The following NAA30 variants were observed in gnomAD, a reference collection of about 807,000 sequenced individuals.
NAA30 encodes the protein N-alpha-acetyltransferase 30.
In NAA30, 5 loss-of-function variants were observed where a neutral mutation model predicts 31.4. The observed-to-expected ratio is 0.16, with a 90% confidence interval of 0.08 to 0.33. The LOEUF (loss-of-function observed/expected upper bound fraction) is 0.33, where lower values mean the gene tolerates loss of function less well. Among genes scored for constraint, NAA30 ranks in the 10% least tolerant of loss-of-function variants. The probability of loss-of-function intolerance (pLI) is 1.00; values close to 1 mark genes in which losing one functional copy is unlikely to be tolerated. For missense variants in NAA30, 428 were observed against 490.8 expected, an observed-to-expected ratio of 0.87 and a Z score of 1.21; for synonymous variants, 222 against 207.1, an observed-to-expected ratio of 1.07 and a Z score of -0.62.
In NAA30 at chr14:57,415,357, T is replaced by C. The variant is rs2066542601; in HGVS notation, c.*5841T>C. 6.6e-6 allele frequency: 1 copy of C among 152,230 alleles called. No homozygotes were observed. Among genetic ancestry groups the C allele is most frequent in the Non-Finnish European group, 1.5e-5 (1 of 68,036 alleles). The allele number at this position is 152,230 out of a possible 1,614,324, so 9.4% of individuals were successfully genotyped here. A position where few individuals can be genotyped will look rare whatever the true frequency, so the allele number is the denominator to read the frequency against. On this transcript the variant is annotated 3_prime_UTR_variant, in exon 5 of 5. Coordinates refer to ENST00000556492, the MANE Select transcript of NAA30 (RefSeq NM_001011713.3). ...ACAACTGCAAAGATTGTATGTCTCCTATGTTTTCCTTTCATGCCAAAGAAA... is the reference window on the plus strand; with the variant it reads ...ACAACTGCAAAGATTGTATGTCTCCCATGTTTTCCTTTCATGCCAAAGAAA...
At position 57,409,939 on chromosome 14, in the gene NAA30, T is replaced by TG. The variant is rs1952460033; in HGVS notation, c.*424dup. The TG allele has an allele frequency of 6.5e-6, 1 of 154,588 alleles. No individual in the cohort carries two copies. Among genetic ancestry groups the TG allele is most frequent in the African/African-American group, 2.4e-5 (1 of 41,528 alleles). 9.6% of individuals were successfully genotyped at this position (154,588 alleles called of 1,614,324 possible). A position where few individuals can be genotyped will look rare whatever the true frequency, so the allele number is the denominator to read the frequency against. Reference sequence around the variant, plus strand: ...ACCTGCCCTAGTTTTCTGAAGTGGGTGAGGGAGACGCTTCAGTTTTAGGTT... The same window carrying TG: ...ACCTGCCCTAGTTTTCTGAAGTGGGTGGAGGGAGACGCTTCAGTTTTAGGTT... On this transcript the variant is annotated 3_prime_UTR_variant, in exon 5 of 5. Coordinates refer to ENST00000556492, the MANE Select transcript of NAA30 (RefSeq NM_001011713.3).
intron 3 of NAA30, among the ~76,000 whole-genome samples, chr14:57,397,127 A>AT (rs995201998): frequency 2.7e-4 from 41 of 152,270 alleles, no homozygotes; most frequent in Admixed American, 1.4e-3. Flanking sequence ...TCACCTGCAG[A>AT]TTTTTTTAAT....
chr14:57,390,651 G>T lies in NAA30; in HGVS notation c.-56G>T. ...GGCTGCCGCGGCTGCGAAGGAGGCGGCGGCGGTGGCGGAGGAAGAGGAGTG... is the reference window on the plus strand; with the variant it reads ...GGCTGCCGCGGCTGCGAAGGAGGCGTCGGCGGTGGCGGAGGAAGAGGAGTG... On this transcript the variant is annotated 5_prime_UTR_variant, in exon 1 of 5. Coordinates refer to ENST00000556492, the MANE Select transcript of NAA30 (RefSeq NM_001011713.3). 2 of 369,332 alleles carry T rather than the reference G, an allele frequency of 5.4e-6. No individual in the cohort carries two copies. The highest frequency in any genetic ancestry group is 9.6e-6 in the Non-Finnish European group (2 of 207,922). 22.9% of individuals were successfully genotyped at this position (369,332 alleles called of 1,614,324 possible). A position where few individuals can be genotyped will look rare whatever the true frequency, so the allele number is the denominator to read the frequency against.
rs1178150747 is a variant in NAA30, at chr14:57,413,908, A to T, written c.*4392A>T. Reference sequence around the variant, plus strand: ...CCAGTCACACTTTATATAAGGATAGATGTGTCCTTTTCACTCCCCAGTATG... The same window carrying T: ...CCAGTCACACTTTATATAAGGATAGTTGTGTCCTTTTCACTCCCCAGTATG... On this transcript the variant is annotated 3_prime_UTR_variant, in exon 5 of 5. Transcript: ENST00000556492. 1 of 152,338 alleles carries T rather than the reference A, an allele frequency of 6.6e-6. No homozygotes were observed. Among genetic ancestry groups the T allele is most frequent in the Non-Finnish European group, 1.5e-5 (1 of 68,046 alleles). 9.4% of individuals were successfully genotyped at this position (152,338 alleles called of 1,614,324 possible). A position where few individuals can be genotyped will look rare whatever the true frequency, so the allele number is the denominator to read the frequency against.
chr14:57,414,143 G>C lies in NAA30; in HGVS notation c.*4627G>C, dbSNP rs2066536723. Reference sequence around the variant, plus strand: ...AAGGATCACAATTAGGCCAGATGTGGTGGCTCACGCCTATTATCCCAGCGT... The same window carrying C: ...AAGGATCACAATTAGGCCAGATGTGCTGGCTCACGCCTATTATCCCAGCGT... On this transcript the variant is annotated 3_prime_UTR_variant, in exon 5 of 5. Transcript: ENST00000556492. 1 of 152,256 alleles carries C rather than the reference G, an allele frequency of 6.6e-6. No homozygotes were observed. Among genetic ancestry groups the C allele is most frequent in the South Asian group, 2.1e-4 (1 of 4,826 alleles). 9.4% of individuals were successfully genotyped at this position (152,256 alleles called of 1,614,324 possible).
rs1008357768 is a variant in NAA30 at position 57,414,967 on chromosome 14, TAATGA to T, written c.*5455_*5459del. On this transcript the variant is annotated 3_prime_UTR_variant, in exon 5 of 5. Transcript: ENST00000556492. ...TTTAAACTATGCAATATGGGGGTTA[TAATGA>T]AATAGTTTTAGTCTATGTAAGGTTT... 1 of 152,230 alleles carries T rather than the reference TAATGA, an allele frequency of 6.6e-6. No homozygotes were observed. The highest frequency in any genetic ancestry group is 2.4e-5 in the African/African-American group (1 of 41,458). 9.4% of individuals were successfully genotyped at this position (152,230 alleles called of 1,614,324 possible). A position where few individuals can be genotyped will look rare whatever the true frequency, so the allele number is the denominator to read the frequency against.
At position 57,410,756 on chromosome 14, in the gene NAA30, T is replaced by G. The variant is rs557325107; in HGVS notation, c.*1240T>G. Reference sequence around the variant, plus strand: ...GGGTTTTCTTAACAGCCACCATGTTTATTAGTTACATTGTGTTTTGGCCAA... The same window carrying G: ...GGGTTTTCTTAACAGCCACCATGTTGATTAGTTACATTGTGTTTTGGCCAA... On this transcript the variant is annotated 3_prime_UTR_variant, in exon 5 of 5. Transcript: ENST00000556492. 6.6e-6 allele frequency: 1 copy of G among 152,532 alleles called. No homozygotes were observed. The highest frequency in any genetic ancestry group is 1.5e-5 in the Non-Finnish European group (1 of 67,992). The allele number at this position is 152,532 out of a possible 1,614,324, so 9.4% of individuals were successfully genotyped here.
At chr14:57,396,034 G>T (rs549916521) in intron 2 of NAA30, among the ~76,000 whole-genome samples, 2 of 152,212 alleles carry the variant, frequency 1.3e-5, no homozygotes, top group South Asian at 4.1e-4. Context: ...GAGTGCAGTG[G>T]CACGATCTCA....
chr14:57,393,446 A>G (rs1000642645), intron 2 of NAA30, among the ~76,000 whole-genome samples: 1 of 152,176 alleles, frequency 6.6e-6, no homozygotes, highest in African/African-American at 2.4e-5. Flanking sequence ...GAGGTATTAA[A>G]CAATAATAAA....
intron 3 of NAA30, among the ~76,000 whole-genome samples, chr14:57,397,862 T>G (rs146096203): frequency 0.014 from 2,095 of 152,182 alleles, 48 homozygotes; most frequent in African/African-American, 0.047. Flanking sequence ...GAGGTGGAGG[T>G]TGCAGTGAGC....
At chr14:57,402,850 C>T (rs2066482572) in intron 4 of NAA30, among the ~76,000 whole-genome samples, 1 of 152,100 alleles carries the variant, frequency 6.6e-6, no homozygotes, top group Non-Finnish European at 1.5e-5. Context: ...AAAATTCTTA[C>T]AAAGAGAGAG....
At chr14:57,404,590 G>A (rs1400276445) in intron 4 of NAA30, among the ~76,000 whole-genome samples, 2 of 152,114 alleles carry the variant, frequency 1.3e-5, no homozygotes, top group Non-Finnish European at 2.9e-5. Context: ...GTATTAGTCC[G>A]TTTTCACATT....
At position 57,390,684 on chromosome 14, in the gene NAA30, C is replaced by T; in HGVS notation, c.-23C>T. 1 of 387,940 alleles carries T rather than the reference C, an allele frequency of 2.6e-6. No individual in the cohort carries two copies. Among genetic ancestry groups the T allele is most frequent in the Non-Finnish European group, 4.5e-6 (1 of 219,800 alleles). The allele number at this position is 387,940 out of a possible 1,614,324, so 24.0% of individuals were successfully genotyped here. ...GGCGGAGGAAGAGGAGTGGCGGCAG[C>T]GGCGGCGGGGACCCGTGCGGGGTGA... On this transcript the variant is annotated 5_prime_UTR_variant, in exon 1 of 5. Transcript: ENST00000556492.
rs1289270643 is a variant in NAA30, at chr14:57,412,803, CT to C, written c.*3291del. 1.3e-5 allele frequency: 2 copies of C among 152,086 alleles called. No individual in the cohort carries two copies. The highest frequency in any genetic ancestry group is 2.9e-5 in the Non-Finnish European group (2 of 67,980). The allele number at this position is 152,086 out of a possible 1,614,324, so 9.4% of individuals were successfully genotyped here. A position where few individuals can be genotyped will look rare whatever the true frequency, so the allele number is the denominator to read the frequency against. On this transcript the variant is annotated 3_prime_UTR_variant, in exon 5 of 5. Transcript: ENST00000556492. Reference sequence around the variant, plus strand: ...TGCATTTTATGATTGGGTTGTTTTGCTTTTACCTACTAAGTAAAACAGCAAC... The same window carrying C: ...TGCATTTTATGATTGGGTTGTTTTGCTTTACCTACTAAGTAAAACAGCAAC...
At chr14:57,398,090 C>A (rs777615953) in intron 3 of NAA30, among the ~76,000 whole-genome samples, 2 of 152,156 alleles carry the variant, frequency 1.3e-5, no homozygotes, top group Non-Finnish European at 2.9e-5. Context: ...TTTTCACTTT[C>A]ATGTTTTTTA....
chr14:57,409,411 C>T lies in NAA30; in HGVS notation c.984C>T (p.Ser328=), dbSNP rs148748825. 3.0e-5 allele frequency: 48 copies of T among 1,606,126 alleles called. No homozygotes were observed. Among genetic ancestry groups the T allele is most frequent in the Middle Eastern group, 1.7e-4 (1 of 6,054 alleles). ...TGGAAACCGAAATAACAAATAAGTCCGCTTTGAAACTTTATGAAAATCTTG... is the reference window on the plus strand; with the variant it reads ...TGGAAACCGAAATAACAAATAAGTCTGCTTTGAAACTTTATGAAAATCTTG... ...VVLETEITNK[S]ALKLYENLGF... is the part of the protein sequence containing the mutation. The change falls in exon 5 of 5, where the codon TCC becomes TCT. Residue 328 remains serine (S), a synonymous_variant. Coordinates refer to ENST00000556492, the MANE Select transcript of NAA30 (RefSeq NM_001011713.3).
chr14:57,404,056 T>G (rs1349001573), intron 4 of NAA30, among the ~76,000 whole-genome samples: 1 of 152,210 alleles, frequency 6.6e-6, no homozygotes, highest in African/African-American at 2.4e-5. Context: ...GCACGGTGTC[T>G]CACGCCTGTA....
At position 57,391,775 on chromosome 14, in the gene NAA30, CTG is replaced by C. The variant is rs758783224; in HGVS notation, c.771+50_771+51del. Reference sequence around the variant, plus strand: ...AGGGTGAACCCAGCAGTGATCGAGACTGTGCGGGGCAGGGAGTGAGGGCCCAG... The same window carrying C: ...AGGGTGAACCCAGCAGTGATCGAGACTGCGGGGCAGGGAGTGAGGGCCCAG... On this transcript the variant is annotated intron_variant, in intron 2 of 4. Transcript: ENST00000556492. This position sits in a 1 kb window ranked among gnomAD's most constrained non-coding sequence, Gnocchi z 4.1. The C allele has an allele frequency of 7.4e-6, 11 of 1,485,642 alleles. No individual in the cohort carries two copies. The South Asian group carries it at 1.4e-4, about 19-fold the overall frequency. 92.0% of individuals were successfully genotyped at this position (1,485,642 alleles called of 1,614,324 possible).
At chr14:57,393,059 TATCAA>T (rs1367273455) in intron 2 of NAA30, among the ~76,000 whole-genome samples, 1 of 152,220 alleles carries the variant, frequency 6.6e-6, no homozygotes, top group African/African-American at 2.4e-5. Context: ...ATAAATGTCA[TATCAA>T]ATGCCACTGT....
Sources: allele counts gnomAD v4.1 joint callset (sites outside exome capture counted in the v4.1 genomes callset), GRCh38; gene constraint gnomAD v4.1.1; non-coding constraint Gnocchi (gnomAD v3.1); transcripts MANE v1.5; gene names NCBI Gene and HGNC (gene_info 2026-07-23, HGNC 2026-07-21).